Variants in MACROD1 observed in about 807,000 individuals in gnomAD.
MACROD1 encodes the protein ADP-ribose glycohydrolase MACROD1.
Under a neutral mutation model 41.4 loss-of-function variants are expected in MACROD1, and 31 were observed. The ratio of observed to expected loss-of-function variants is 0.75; its 90% CI spans 0.56 to 1.01. The LOEUF is 1.01. MACROD1 is among the 50% of genes least tolerant of loss of function. The pLI is 0.00. For missense variants in MACROD1, 473 were observed against 460.0 expected (o/e 1.03, Z -0.26); for synonymous variants, 252 against 203.4 (o/e 1.24, Z -2.03).
rs756280379 is a variant in MACROD1, at chr11:64,025,708, G to GC, written c.518-10428dup. Among the ~76,000 whole-genome samples the GC allele has an allele frequency of 6.9e-3, 811 of 117,432 alleles. 15 individuals carry two copies. Among genetic ancestry groups the GC allele is most frequent in the Middle Eastern group, 0.039 (9 of 228 alleles). The allele number at this position is 117,432 out of a possible 152,430, so 77.0% of individuals were successfully genotyped here. ...GGGCAGGCCCACACTGCTCTCATGG[G>GC]CCCCCCCCGCTCCTTTTTTTTTTTT... On this transcript the variant is annotated intron_variant, in intron 3 of 10. Coordinates refer to ENST00000255681, the MANE Select transcript of MACROD1 (RefSeq NM_014067.4).
At chr11:64,022,291 C>T (rs904546460) in intron 3 of MACROD1, among the ~76,000 whole-genome samples, 1 of 152,066 alleles carries the variant, frequency 6.6e-6, no homozygotes, top group Non-Finnish European at 1.5e-5. Context: ...CGGGATGCCT[C>T]TCAGACTTCC....
In MACROD1 at chr11:64,122,589, G is replaced by C. The variant is rs1391826370; in HGVS notation, c.517+28650C>G. On this transcript the variant is annotated intron_variant, in intron 3 of 10. Transcript: ENST00000255681. The surrounding 1 kb of genome is among the most constrained non-coding windows in gnomAD (Gnocchi z 4.0). ...AAGCCAGGCAGAGAGCTGAGGAGGG[G>C]GTCGGGGAGATGTTTCCAGAGCGGT... Among the ~76,000 whole-genome samples, 1 of 152,226 alleles carries C rather than the reference G, an allele frequency of 6.6e-6. No homozygotes were observed. Among genetic ancestry groups the C allele is most frequent in the Non-Finnish European group, 1.5e-5 (1 of 68,040 alleles).
In MACROD1 at chr11:64,036,037, C is replaced by T. The variant is rs1943373630; in HGVS notation, c.518-20756G>A. 6.6e-6 allele frequency: 1 copy of T among 151,416 alleles called. No individual in the cohort carries two copies. The highest frequency in any genetic ancestry group is 1.5e-5 in the Non-Finnish European group (1 of 67,810). The allele number at this position is 151,416 out of a possible 1,614,324, so 9.4% of individuals were successfully genotyped here. A position where few individuals can be genotyped will look rare whatever the true frequency, so the allele number is the denominator to read the frequency against. On this transcript the variant is annotated intron_variant, in intron 3 of 10. Transcript: ENST00000255681. This position sits in a 1 kb window ranked among gnomAD's most constrained non-coding sequence, Gnocchi z 5.6. Reference sequence around the variant, plus strand: ...GCTCTGCCGCGCGCCGGGGGCTCCTCTCCCGGGCCCCCCTGGGCGCCCTCC... The same window carrying T: ...GCTCTGCCGCGCGCCGGGGGCTCCTTTCCCGGGCCCCCCTGGGCGCCCTCC...
intron 3 of MACROD1, among the ~76,000 whole-genome samples, chr11:64,139,303 G>A (rs999336260): frequency 3.3e-5 from 5 of 152,270 alleles, no homozygotes; most frequent in Admixed American, 6.5e-5. Context: ...AAACAGCCGC[G>A]TCCCTGCCCC....
intron 3 of MACROD1, among the ~76,000 whole-genome samples, chr11:64,100,612 T>A (rs1944654853): frequency 6.6e-6 from 1 of 152,216 alleles, no homozygotes; most frequent in Non-Finnish European, 1.5e-5. Context: ...ATATTTATTC[T>A]TGGGCCTCCT....
intron 3 of MACROD1, among the ~76,000 whole-genome samples, chr11:64,046,604 G>A (rs1943588876): frequency 6.6e-6 from 1 of 152,100 alleles, no homozygotes; most frequent in African/African-American, 2.4e-5. Context: ...CAGGCTAGAG[G>A]ACAAGATCAT....
chr11:64,150,447 A>G (rs1203167046), intron 3 of MACROD1, among the ~76,000 whole-genome samples: 1 of 152,064 alleles, frequency 6.6e-6, no homozygotes, highest in Non-Finnish European at 1.5e-5. Context: ...TGCCCCCCAT[A>G]TTCAGGGTCT....
At chr11:64,157,398 C>T (rs1397304493) in intron 1 of MACROD1, among the ~76,000 whole-genome samples, 2 of 152,062 alleles carry the variant, frequency 1.3e-5, no homozygotes, top group African/African-American at 4.8e-5. Context: ...CCGGCCTTGC[C>T]CCATGAATTT....
intron 3 of MACROD1, among the ~76,000 whole-genome samples, chr11:64,077,812 A>G (rs1944231235): frequency 6.6e-6 from 1 of 152,196 alleles, no homozygotes; most frequent in South Asian, 2.1e-4. Flanking sequence ...CGCCGCTCGG[A>G]CATTTGGGCA....
intron 3 of MACROD1, among the ~76,000 whole-genome samples, chr11:64,023,944 G>A (rs1943192891): frequency 6.6e-6 from 1 of 152,044 alleles, no homozygotes; most frequent in Non-Finnish European, 1.5e-5. Flanking sequence ...GGGTTTCTTG[G>A]GCTCTGTCTG....
At chr11:64,118,380 G>T in intron 3 of MACROD1, 1 of 1,408,464 alleles carries the variant, frequency 7.1e-7, no homozygotes, top group Non-Finnish European at 9.3e-7. Flanking sequence ...ATCCAAGAGA[G>T]CAAGGAAGAG....
At chr11:64,105,643 G>A (rs537388986) in intron 3 of MACROD1, among the ~76,000 whole-genome samples, 75 of 152,244 alleles carry the variant, frequency 4.9e-4, no homozygotes, top group African/African-American at 1.5e-3. Context: ...CCCCACAGGC[G>A]TGAGTGACCC....
At chr11:64,111,862 G>T (rs1181221964) in intron 3 of MACROD1, among the ~76,000 whole-genome samples, 1 of 152,206 alleles carries the variant, frequency 6.6e-6, no homozygotes, top group African/African-American at 2.4e-5. Context: ...ATGGCCCTGG[G>T]CAAAGGAAGC....
intron 3 of MACROD1, among the ~76,000 whole-genome samples, chr11:64,055,148 C>T (rs1385885756): frequency 6.6e-6 from 1 of 152,194 alleles, no homozygotes; most frequent in Non-Finnish European, 1.5e-5. Context: ...TTTAGTTGTC[C>T]CCAGATCCAC....
intron 3 of MACROD1, among the ~76,000 whole-genome samples, chr11:64,016,074 G>C (rs568177845): frequency 1.5e-3 from 229 of 152,320 alleles, no homozygotes; most frequent in African/African-American, 5.2e-3. Context: ...CTTGGACTAG[G>C]GGTAGTGCTG....
chr11:64,139,114 T>A (rs1945373280), intron 3 of MACROD1, among the ~76,000 whole-genome samples: 1 of 152,152 alleles, frequency 6.6e-6, no homozygotes, highest in African/African-American at 2.4e-5. Flanking sequence ...CATGCCTCAG[T>A]GGAGGAAGCC....
Position 64,005,275 on chromosome 11 carries a change from G to A in MACROD1, c.548-4932C>T, listed in dbSNP as rs558389904. On this transcript the variant is annotated intron_variant, in intron 4 of 10. Transcript: ENST00000255681. ...GAACTCCTGACCTTGTGATCCGCCC[G>A]CCTCGGCCTCCCAAAGTGCTGGGAT... Among the ~76,000 whole-genome samples, 3 of 152,260 alleles carry A rather than the reference G, an allele frequency of 2.0e-5. No homozygotes were observed. In the South Asian group the frequency reaches 6.2e-4, roughly 32 times the overall value.
chr11:64,003,527 C>T (rs534249744), intron 4 of MACROD1, among the ~76,000 whole-genome samples: 45 of 152,338 alleles, frequency 3.0e-4, no homozygotes, highest in Non-Finnish European at 4.7e-4. Flanking sequence ...GAGACAGGGT[C>T]TTGCTATGTT....
chr11:64,026,967 C>G (rs1778553594), intron 3 of MACROD1, among the ~76,000 whole-genome samples: 1 of 152,258 alleles, frequency 6.6e-6, no homozygotes, highest in Admixed American at 6.5e-5. Flanking sequence ...ACACCCTGTG[C>G]CCATAATGAC....
Sources: gnomAD v4.1 joint callset for allele counts (sites outside exome capture counted in the v4.1 genomes callset) on GRCh38, gnomAD v4.1.1 for gene constraint, Gnocchi (gnomAD v3.1) non-coding constraint, MANE v1.5 for transcripts, NCBI Gene and HGNC (gene_info 2026-07-23, HGNC 2026-07-21) for gene names.